CASK: variants seen among roughly 807,000 people sequenced by gnomAD.
CASK encodes peripheral plasma membrane protein CASK.
A neutral mutation model predicts 82.9 loss-of-function variants in CASK; 4 were observed. The ratio of observed to expected loss-of-function variants is 0.05; its 90% CI spans 0.02 to 0.11. The LOEUF is 0.11. Among genes scored for constraint, CASK ranks in the 10% least tolerant of loss-of-function variants. The pLI, the probability that CASK is intolerant of heterozygous loss-of-function variation, is 1.00. For synonymous variants in CASK, 259 were observed against 253.5 expected (o/e 1.02, Z -0.20); for missense variants, 358 against 720.9 (o/e 0.50, Z 5.76).
intron 9 of CASK, 124 bp downstream of exon 9, chrX:41,636,454 T>G: frequency 8.0e-6 from 4 of 499,008 alleles, no homozygotes; most frequent in Non-Finnish European, 1.1e-5. Flanking sequence ...TTTTTGGAAA[T>G]GAGAATTTAG....
At chrX:41,576,133 C>T (rs1602288656) in intron 15 of CASK, among the ~76,000 whole-genome samples, 1 of 109,797 alleles carries the variant, frequency 9.1e-6, no homozygotes, top group Non-Finnish European at 1.9e-5. Flanking sequence ...CACCACCACA[C>T]CTGGCTAATT....
chrX:41,670,607 G>A (rs1467246839), intron 6 of CASK, among the ~76,000 whole-genome samples: 1 of 111,247 alleles, frequency 9.0e-6, no homozygotes, highest in Non-Finnish European at 1.9e-5. Context: ...AGTTTGCTAG[G>A]TATGGTGGCA....
intron 9 of CASK, among the ~76,000 whole-genome samples, chrX:41,635,298 T>C (rs2066532746): frequency 8.9e-6 from 1 of 112,176 alleles, no homozygotes; most frequent in African/African-American, 3.2e-5. Context: ...AAAATTCATA[T>C]AAATGTTTTT....
intron 12 of CASK, among the ~76,000 whole-genome samples, chrX:41,594,291 C>A (rs891574217): frequency 8.9e-6 from 1 of 111,930 alleles, no homozygotes; most frequent in Non-Finnish European, 1.9e-5. Flanking sequence ...CTAAGAAGAG[C>A]AAGTATTTGA....
chrX:41,690,551 G>A (rs2067530131), intron 5 of CASK, among the ~76,000 whole-genome samples: 1 of 106,433 alleles, frequency 9.4e-6, no homozygotes, highest in Non-Finnish European at 1.9e-5. Context: ...AGTAGAGGCA[G>A]GGTTTCGCTA....
intron 1 of CASK, among the ~76,000 whole-genome samples, chrX:41,855,024 C>T (rs1163643831): frequency 8.9e-6 from 1 of 112,092 alleles, no homozygotes; most frequent in Non-Finnish European, 1.9e-5. Flanking sequence ...TAGTCTGCTT[C>T]AATTCACTGT....
rs1040796754 is a variant in CASK, at chrX:41,576,077, C to A, written c.1503+2263G>T. 2.7e-5 allele frequency among the ~76,000 whole-genome samples: 3 copies of A among 109,482 alleles called. No homozygotes were observed. In the Admixed American group the frequency reaches 2.9e-4, roughly 11 times the overall value. ...GCAACCTCCGCCTCCCGGGTTCAAG[C>A]GATTCTTCTGCCTCAGCCTCCTGAG... On this transcript the variant is annotated intron_variant, in intron 15 of 26. Coordinates refer to ENST00000378163, the MANE Select transcript of CASK (RefSeq NM_001367721.1).
At chrX:41,544,580 A>C (rs558087470) in intron 21 of CASK, among the ~76,000 whole-genome samples, 29 of 108,421 alleles carry the variant, frequency 2.7e-4, no homozygotes, top group Non-Finnish European at 4.0e-4. Flanking sequence ...AAAAAAAAAA[A>C]AAAAAACAAA....
chrX:41,674,717 G>C (rs964617717), intron 5 of CASK, among the ~76,000 whole-genome samples: 1 of 111,158 alleles, frequency 9.0e-6, no homozygotes, highest in Admixed American at 9.6e-5. Flanking sequence ...CCCATTAGCT[G>C]CCAAGAGGGA....
Position 41,526,398 on chromosome X carries a change from T to C in CASK, c.2521-2364A>G, listed in dbSNP as rs946184503. On this transcript the variant is annotated intron_variant, in intron 25 of 26. Transcript: ENST00000378163. ...ACAGATGAAGTAGAGAATGACACCC[T>C]GGGCATGAAATGGTTTTTTTCTGCA... 6.2e-5 allele frequency among the ~76,000 whole-genome samples: 7 copies of C among 112,270 alleles called. No individual in the cohort carries two copies. In the South Asian group the frequency reaches 2.2e-3, roughly 36 times the overall value.
chrX:41,915,366 G>A (rs2072655695), intron 1 of CASK, among the ~76,000 whole-genome samples: 1 of 112,494 alleles, frequency 8.9e-6, no homozygotes, highest in African/African-American at 3.2e-5. Flanking sequence ...CAGATACATT[G>A]ATGGATATGA....
chrX:41,609,531 AG>A (rs2066011685), intron 12 of CASK, among the ~76,000 whole-genome samples: 1 of 110,134 alleles, frequency 9.1e-6, no homozygotes, highest in Admixed American at 9.7e-5. Flanking sequence ...TAAAGTAAAA[AG>A]GTATGCTAAA....
chrX:41,740,833 A>G (rs2068586018), intron 4 of CASK, among the ~76,000 whole-genome samples: 1 of 111,820 alleles, frequency 8.9e-6, no homozygotes, highest in South Asian at 3.7e-4. Context: ...GGTTGTGCTC[A>G]TATACTCTTT....
chrX:41,810,640 G>A (rs1192126878), intron 2 of CASK, among the ~76,000 whole-genome samples: 1 of 111,674 alleles, frequency 9.0e-6, no homozygotes, highest in Admixed American at 9.5e-5. Flanking sequence ...ATGCCAAATT[G>A]TAAAGACCAT....
intron 12 of CASK, among the ~76,000 whole-genome samples, chrX:41,593,191 C>T (rs914507611): frequency 9.0e-6 from 1 of 111,182 alleles, no homozygotes; most frequent in Non-Finnish European, 1.9e-5. Context: ...AAAACTGCAG[C>T]TCTCAAGTCC....
intron 1 of CASK, among the ~76,000 whole-genome samples, chrX:41,908,617 G>A (rs2072510641): frequency 8.9e-6 from 1 of 111,974 alleles, no homozygotes; most frequent in South Asian, 3.7e-4. Context: ...AACAGAAAAG[G>A]AAAGGGTAGA....
At chrX:41,775,034 G>A (rs2069325312) in intron 3 of CASK, among the ~76,000 whole-genome samples, 1 of 109,909 alleles carries the variant, frequency 9.1e-6, no homozygotes, top group South Asian at 3.9e-4. Context: ...ATTGACAAAT[G>A]GGATCTAATT....
At chrX:41,713,775 T>A (rs1228154963) in intron 5 of CASK, among the ~76,000 whole-genome samples, 1 of 111,664 alleles carries the variant, frequency 9.0e-6, no homozygotes, top group African/African-American at 3.3e-5. Flanking sequence ...ATGGGACTCA[T>A]CTAAGCAGGG....
chrX:41,818,887 C>T (rs1024904145), intron 2 of CASK, among the ~76,000 whole-genome samples: 8 of 109,361 alleles, frequency 7.3e-5, no homozygotes. Flanking sequence ...TAAAAATTAA[C>T]TCAAAATGGA....
Sources: gnomAD v4.1 joint callset for allele counts (sites outside exome capture counted in the v4.1 genomes callset) on GRCh38, gnomAD v4.1.1 for gene constraint, MANE v1.5 for transcripts, NCBI Gene and HGNC (gene_info 2026-07-23, HGNC 2026-07-21) for gene names.